PEX5L: variants seen among roughly 807,000 people sequenced by gnomAD.
The protein encoded by PEX5L is PEX5-related protein.
Under a neutral mutation model 84.0 loss-of-function variants are expected in PEX5L, and 30 were observed. The observed-to-expected ratio is 0.36, with a 90% CI of 0.27 to 0.48. The LOEUF (loss-of-function observed/expected upper bound fraction) is 0.48. PEX5L is among the 20% of genes least tolerant of loss of function. The pLI is 0.99. For missense variants in PEX5L, 533 were observed against 754.6 expected, an observed-to-expected ratio of 0.71 and a Z score of 3.44; for synonymous variants, 270 against 283.1, an observed-to-expected ratio of 0.95 and a Z score of 0.46.
At chr3:179,835,018 T>C (rs772316936) in intron 8 of PEX5L, among the ~76,000 whole-genome samples, 15 of 152,128 alleles carry the variant, frequency 9.9e-5, no homozygotes, top group Admixed American at 2.6e-4. Context: ...AGATGGCCTG[T>C]GAAGATGGAG....
intron 3 of PEX5L, among the ~76,000 whole-genome samples, chr3:179,894,464 C>T (rs1422871589): frequency 5.3e-5 from 8 of 152,052 alleles, no homozygotes; most frequent in Non-Finnish European, 1.2e-4. Flanking sequence ...AAATCTCAAC[C>T]AGCTAGCTAC....
intron 2 of PEX5L, among the ~76,000 whole-genome samples, chr3:179,937,835 A>T (rs990410697): frequency 6.6e-6 from 1 of 152,168 alleles, no homozygotes; most frequent in Non-Finnish European, 1.5e-5. Flanking sequence ...AGGCAGAGAA[A>T]TGTTTCTCCT....
At chr3:179,908,389 C>T (rs1200119141) in intron 2 of PEX5L, among the ~76,000 whole-genome samples, 1 of 152,212 alleles carries the variant, frequency 6.6e-6, no homozygotes, top group Non-Finnish European at 1.5e-5. Context: ...AACACCCAGA[C>T]TGGAGTCAGA....
At chr3:179,883,528 A>T (rs1459144171) in intron 4 of PEX5L, among the ~76,000 whole-genome samples, 4 of 152,264 alleles carry the variant, frequency 2.6e-5, no homozygotes, top group Admixed American at 6.5e-5. Flanking sequence ...TCATGCCTGT[A>T]ATCCCAGCAC....
intron 2 of PEX5L, among the ~76,000 whole-genome samples, chr3:179,917,557 T>C (rs1479050395): frequency 2.6e-5 from 4 of 152,228 alleles, no homozygotes; most frequent in Non-Finnish European, 5.9e-5. Flanking sequence ...GCTATGACAT[T>C]AGCACTGCTA....
At chr3:179,887,815 G>A (rs367673603) in intron 3 of PEX5L, 31 bp from the exon 4 acceptor site, 92 of 1,451,984 alleles carry the variant, frequency 6.3e-5, no homozygotes, top group Non-Finnish European at 8.7e-5. Context: ...GTGTCAAAGG[G>A]CTTTGTTAAA....
intron 2 of PEX5L, among the ~76,000 whole-genome samples, chr3:179,958,163 T>C (rs1295890737): frequency 1.3e-5 from 2 of 152,236 alleles, no homozygotes; most frequent in Non-Finnish European, 2.9e-5. Context: ...ATATGGCATA[T>C]CTTTCCTTTA....
At chr3:179,930,946 T>C (rs965123250) in intron 2 of PEX5L, among the ~76,000 whole-genome samples, 4 of 152,164 alleles carry the variant, frequency 2.6e-5, no homozygotes, top group African/African-American at 9.7e-5. Context: ...ATTGAGTTCC[T>C]TGAGGAAGGA....
chr3:179,904,909 G>A (rs1207324020), intron 2 of PEX5L, among the ~76,000 whole-genome samples: 1 of 152,070 alleles, frequency 6.6e-6, no homozygotes, highest in African/African-American at 2.4e-5. Flanking sequence ...GATCTATGCT[G>A]CTTCCACCCT....
At chr3:180,006,560 C>T (rs1041354628) in intron 1 of PEX5L, among the ~76,000 whole-genome samples, 1 of 152,080 alleles carries the variant, frequency 6.6e-6, no homozygotes, top group Non-Finnish European at 1.5e-5. Context: ...TCTTTTGGTA[C>T]CATTTCTTGT....
At chr3:179,922,900 AATTTCATATTC>A (rs1276214481) in intron 2 of PEX5L, among the ~76,000 whole-genome samples, 7 of 152,216 alleles carry the variant, frequency 4.6e-5, no homozygotes, top group Non-Finnish European at 1.0e-4. Flanking sequence ...CATGAAAAAG[AATTTCATATTC>A]ATTTCATAGA....
chr3:179,912,255 C>T (rs184324550), intron 2 of PEX5L, among the ~76,000 whole-genome samples: 1 of 152,168 alleles, frequency 6.6e-6, no homozygotes, highest in East Asian at 1.9e-4. Context: ...ATGGACTCCC[C>T]ACTAACCCCT....
chr3:179,992,851 C>T (rs1319245472), intron 1 of PEX5L, among the ~76,000 whole-genome samples: 1 of 151,782 alleles, frequency 6.6e-6, no homozygotes, highest in Non-Finnish European at 1.5e-5. Flanking sequence ...TGATTTTTGA[C>T]CTGGTTCTTT....
intron 8 of PEX5L, among the ~76,000 whole-genome samples, chr3:179,846,753 G>A (rs1739501554): frequency 6.6e-6 from 1 of 152,120 alleles, no homozygotes; most frequent in Admixed American, 6.5e-5. Flanking sequence ...CTGAGACATT[G>A]GTCTTCTCCT....
chr3:179,908,866 C>T (rs1032426987), intron 2 of PEX5L, among the ~76,000 whole-genome samples: 2 of 152,102 alleles, frequency 1.3e-5, no homozygotes, highest in Non-Finnish European at 2.9e-5. Flanking sequence ...TCCAGTCTAT[C>T]ATTGTTGGAC....
At chr3:179,842,968 A>G (rs953496507) in intron 8 of PEX5L, among the ~76,000 whole-genome samples, 11 of 152,088 alleles carry the variant, frequency 7.2e-5, no homozygotes, top group African/African-American at 2.7e-4. Flanking sequence ...AAGGAACTCA[A>G]TCACAAATTC....
intron 8 of PEX5L, among the ~76,000 whole-genome samples, chr3:179,839,548 C>T (rs1013630702): frequency 6.6e-6 from 1 of 152,102 alleles, no homozygotes; most frequent in African/African-American, 2.4e-5. Flanking sequence ...TGGCTAAAGT[C>T]TTATACTGAG....
At chr3:179,809,335 C>T (rs1442876637) in intron 12 of PEX5L, 136 bp downstream of exon 12, 2 of 663,982 alleles carry the variant, frequency 3.0e-6, no homozygotes, top group Admixed American at 5.1e-5. Flanking sequence ...GAGTGATGCT[C>T]CTCCAGCAGA....
In PEX5L at chr3:179,800,996, C is replaced by T. The variant is rs547335443; in HGVS notation, c.*832G>A. On this transcript the variant is annotated 3_prime_UTR_variant, in exon 15 of 15. Transcript: ENST00000467460. Reference sequence around the variant, plus strand: ...GCACGTGAATGAAAAGATCTGTTTGCCATATTTACGCCTTATGTCATCGTA... The same window carrying T: ...GCACGTGAATGAAAAGATCTGTTTGTCATATTTACGCCTTATGTCATCGTA... 6.6e-6 allele frequency: 1 copy of T among 152,532 alleles called. No individual in the cohort carries two copies. Among genetic ancestry groups the T allele is most frequent in the African/African-American group, 2.4e-5 (1 of 41,422 alleles). 9.4% of individuals were successfully genotyped at this position (152,532 alleles called of 1,614,324 possible).
Sources: allele counts gnomAD v4.1 joint callset (sites outside exome capture counted in the v4.1 genomes callset), GRCh38; gene constraint gnomAD v4.1.1; transcripts MANE v1.5; gene names NCBI Gene and HGNC (gene_info 2026-07-23, HGNC 2026-07-21).